FNDC3B: variants seen among roughly 807,000 people sequenced by gnomAD.
The protein encoded by FNDC3B is fibronectin type III domain containing 3B.
FNDC3B carries 12 observed loss-of-function variants against 151.5 expected under a neutral mutation model. The observed-to-expected ratio is 0.08, with a 90% CI of 0.05 to 0.13. The LOEUF is 0.13. Ranked by LOEUF, FNDC3B falls within the 10% of genes least tolerant of loss-of-function variation. FNDC3B has a pLI of 1.00. For synonymous variants in FNDC3B, 528 were observed against 549.0 expected, an observed-to-expected ratio of 0.96 and a Z score of 0.54; for missense variants, 1,214 against 1,505.3, an observed-to-expected ratio of 0.81 and a Z score of 3.20.
At chr3:172,278,914 G>A (rs1729565647) in intron 6 of FNDC3B, among the ~76,000 whole-genome samples, 5 of 152,116 alleles carry the variant, frequency 3.3e-5, no homozygotes. Context: ...GCAACAGAGT[G>A]AGACTCTGTC....
At chr3:172,219,185 T>C (rs1401528400) in intron 3 of FNDC3B, among the ~76,000 whole-genome samples, 2 of 152,228 alleles carry the variant, frequency 1.3e-5, no homozygotes, top group African/African-American at 4.8e-5. Context: ...TAGTAATCTT[T>C]TTAAATCTTG....
intron 4 of FNDC3B, among the ~76,000 whole-genome samples, chr3:172,234,041 T>C (rs1288943032): frequency 6.6e-6 from 1 of 152,172 alleles, no homozygotes; most frequent in Non-Finnish European, 1.5e-5. Flanking sequence ...ACCAAGGACA[T>C]CCCCTCCCCT....
intron 3 of FNDC3B, among the ~76,000 whole-genome samples, chr3:172,153,547 G>C (rs968820002): frequency 6.6e-6 from 1 of 152,234 alleles, no homozygotes. Flanking sequence ...CAGGCTGGGG[G>C]CATGAATCAC....
At chr3:172,291,270 A>C (rs903446003) in intron 7 of FNDC3B, among the ~76,000 whole-genome samples, 1 of 152,228 alleles carries the variant, frequency 6.6e-6, no homozygotes, top group Non-Finnish European at 1.5e-5. Context: ...TAATAAATAG[A>C]CGAGTGATTT....
intron 3 of FNDC3B, among the ~76,000 whole-genome samples, chr3:172,181,945 T>G (rs563579548): frequency 8.6e-5 from 13 of 152,008 alleles, no homozygotes; most frequent in African/African-American, 2.4e-4. Context: ...AAATGAAGGA[T>G]GTACGTTATT....
At chr3:172,244,797 T>C (rs1163058982) in intron 4 of FNDC3B, among the ~76,000 whole-genome samples, 1 of 151,968 alleles carries the variant, frequency 6.6e-6, no homozygotes, top group East Asian at 1.9e-4. Context: ...GCTAATTTTT[T>C]GTATTTTTAG....
intron 2 of FNDC3B, among the ~76,000 whole-genome samples, chr3:172,121,025 T>C (rs962065419): frequency 3.9e-5 from 6 of 152,120 alleles, no homozygotes; most frequent in African/African-American, 1.4e-4. Context: ...TCCTTCCTAC[T>C]TGGCAACAAT....
chr3:172,273,093 T>C (rs1729277638), intron 6 of FNDC3B, among the ~76,000 whole-genome samples: 1 of 152,242 alleles, frequency 6.6e-6, no homozygotes, highest in Non-Finnish European at 1.5e-5. Context: ...TTAGATGGCA[T>C]CATTTAAAAT....
At chr3:172,365,365 G>A (rs1734563835) in intron 23 of FNDC3B, among the ~76,000 whole-genome samples, 1 of 152,188 alleles carries the variant, frequency 6.6e-6, no homozygotes, top group Non-Finnish European at 1.5e-5. Flanking sequence ...TCTTATGCAT[G>A]TGGCCAAAAT....
chr3:172,261,150 G>C (rs1728626047), intron 6 of FNDC3B, among the ~76,000 whole-genome samples: 1 of 152,156 alleles, frequency 6.6e-6, no homozygotes, highest in Non-Finnish European at 1.5e-5. Flanking sequence ...GGGCTGCATA[G>C]ACCTGCCCTG....
intron 25 of FNDC3B, among the ~76,000 whole-genome samples, chr3:172,386,974 T>C (rs963804695): frequency 6.6e-6 from 1 of 152,058 alleles, no homozygotes; most frequent in Non-Finnish European, 1.5e-5. Context: ...TCCTTTTTTT[T>C]GAGATGGAGT....
intron 9 of FNDC3B, among the ~76,000 whole-genome samples, chr3:172,301,308 A>G (rs1182594028): frequency 1.3e-5 from 2 of 152,248 alleles, no homozygotes; most frequent in Admixed American, 6.5e-5. Flanking sequence ...GAATCTGTAT[A>G]TAGTTTGATC....
chr3:172,154,941 T>C (rs1049260481), intron 3 of FNDC3B, among the ~76,000 whole-genome samples: 1 of 151,926 alleles, frequency 6.6e-6, no homozygotes, highest in Non-Finnish European at 1.5e-5. Flanking sequence ...TGATGTACTC[T>C]ATGTGTTTGT....
intron 11 of FNDC3B, among the ~76,000 whole-genome samples, chr3:172,324,215 G>T (rs1732229979): frequency 6.6e-6 from 1 of 152,106 alleles, no homozygotes; most frequent in Middle Eastern, 3.4e-3. Flanking sequence ...CCCTTCCCAG[G>T]CTTGGGAAGG....
At chr3:172,289,983 T>C (rs990582728) in intron 7 of FNDC3B, among the ~76,000 whole-genome samples, 1 of 152,186 alleles carries the variant, frequency 6.6e-6, no homozygotes, top group African/African-American at 2.4e-5. Context: ...TATTTATAGT[T>C]TGTAGCGTAT....
At chr3:172,126,086 A>G (rs1026990229) in intron 2 of FNDC3B, among the ~76,000 whole-genome samples, 2 of 152,198 alleles carry the variant, frequency 1.3e-5, no homozygotes, top group African/African-American at 4.8e-5. Flanking sequence ...CCACCAAGAC[A>G]TATTTAGTCA....
intron 1 of FNDC3B, among the ~76,000 whole-genome samples, chr3:172,062,717 C>T (rs1325663104): frequency 1.1e-4 from 16 of 150,982 alleles, no homozygotes; most frequent in Non-Finnish European, 2.4e-4. Context: ...TTTTTTTTGA[C>T]TCTGCCAAAC....
At chr3:172,312,661 C>T (rs1731575373) in intron 11 of FNDC3B, among the ~76,000 whole-genome samples, 1 of 152,008 alleles carries the variant, frequency 6.6e-6, no homozygotes, top group South Asian at 2.1e-4. Context: ...CATGCACACA[C>T]TCGTGCATGC....
chr3:172,042,546 C>T (rs908569520), intron 1 of FNDC3B, among the ~76,000 whole-genome samples: 1 of 152,184 alleles, frequency 6.6e-6, no homozygotes, highest in Non-Finnish European at 1.5e-5. Flanking sequence ...TCTGGGATAT[C>T]TGATGTGTAC....
Sources: gnomAD v4.1 joint callset for allele counts (sites outside exome capture counted in the v4.1 genomes callset) on GRCh38, gnomAD v4.1.1 for gene constraint, MANE v1.5 for transcripts, NCBI Gene and HGNC (gene_info 2026-07-23, HGNC 2026-07-21) for gene names.